The following UVRAG variants were observed in gnomAD, a reference collection of about 807,000 sequenced individuals.
UVRAG encodes the protein UV radiation resistance associated, also known as UV radiation resistance-associated gene protein.
A neutral mutation model predicts 78.0 loss-of-function variants in UVRAG; 19 were observed. The ratio of observed to expected loss-of-function variants is 0.24; its 90% CI spans 0.17 to 0.36. The LOEUF (loss-of-function observed/expected upper bound fraction) is 0.36. Ranked by LOEUF, UVRAG falls within the 10% of genes least tolerant of loss-of-function variation. The pLI, the probability that UVRAG is intolerant of heterozygous loss-of-function variation, is 1.00. For synonymous variants in UVRAG, 323 were observed against 324.6 expected, an observed-to-expected ratio of 1.00 and a Z score of 0.05; for missense variants, 740 against 853.8, an observed-to-expected ratio of 0.87 and a Z score of 1.66.
chr11:75,966,761 A>G (rs1355165657), intron 7 of UVRAG, among the ~76,000 whole-genome samples: 3 of 152,166 alleles, frequency 2.0e-5, no homozygotes, highest in Non-Finnish European at 2.9e-5. Context: ...TTATTTTAGC[A>G]GGTAGTTAAC....
chr11:75,861,200 A>G (rs1946414439), intron 2 of UVRAG, among the ~76,000 whole-genome samples: 1 of 152,218 alleles, frequency 6.6e-6, no homozygotes, highest in Non-Finnish European at 1.5e-5. Context: ...GTCTTAGAGC[A>G]ATAATGAGCC....
intron 6 of UVRAG, among the ~76,000 whole-genome samples, chr11:75,940,785 G>A (rs1015500007): frequency 6.6e-6 from 1 of 152,116 alleles, no homozygotes; most frequent in African/African-American, 2.4e-5. Flanking sequence ...TGCAGATGAA[G>A]CACGGGACTT....
intron 6 of UVRAG, among the ~76,000 whole-genome samples, chr11:75,942,722 A>C (rs1255002234): frequency 1.3e-5 from 2 of 152,116 alleles, no homozygotes; most frequent in Admixed American, 6.6e-5. Context: ...ACAGGAGGGG[A>C]TACAAAGGAA....
chr11:75,831,325 A>G (rs1945649339), intron 1 of UVRAG, among the ~76,000 whole-genome samples: 1 of 152,078 alleles, frequency 6.6e-6, no homozygotes, highest in African/African-American at 2.4e-5. Flanking sequence ...AGTCTCTACT[A>G]AAAATACAAA....
intron 9 of UVRAG, among the ~76,000 whole-genome samples, chr11:76,006,715 A>T (rs912558156): frequency 2.2e-4 from 32 of 147,026 alleles, no homozygotes; most frequent in Non-Finnish European, 3.2e-4. Context: ...TTCATACTAT[A>T]GCTTTTTATT....
chr11:75,854,960 T>G (rs985023989), intron 2 of UVRAG, among the ~76,000 whole-genome samples: 3 of 152,202 alleles, frequency 2.0e-5, no homozygotes, highest in African/African-American at 7.2e-5. Context: ...ACAAAACTTC[T>G]GTGTTCTTGC....
At chr11:75,885,685 T>C (rs1947059406) in intron 4 of UVRAG, among the ~76,000 whole-genome samples, 1 of 152,182 alleles carries the variant, frequency 6.6e-6, no homozygotes, top group Non-Finnish European at 1.5e-5. Flanking sequence ...AATACAATTA[T>C]TGTTAGGCCA....
intron 6 of UVRAG, among the ~76,000 whole-genome samples, chr11:75,939,205 T>C (rs1295671376): frequency 6.6e-6 from 1 of 152,164 alleles, no homozygotes; most frequent in African/African-American, 2.4e-5. Context: ...CTAAAGATCA[T>C]TTTAGTATCT....
chr11:76,091,170 T>G (rs1951689328), intron 13 of UVRAG, among the ~76,000 whole-genome samples: 1 of 152,220 alleles, frequency 6.6e-6, no homozygotes, highest in Non-Finnish European at 1.5e-5. Context: ...TTCCTTAAGA[T>G]TTTGAAATCA....
At chr11:76,000,090 C>G (rs1368114767) in intron 8 of UVRAG, among the ~76,000 whole-genome samples, 1 of 151,844 alleles carries the variant, frequency 6.6e-6, no homozygotes, top group Non-Finnish European at 1.5e-5. Context: ...ATACTCAATC[C>G]AATAGCATTT....
At chr11:75,951,065 C>A (rs1260730026) in intron 6 of UVRAG, among the ~76,000 whole-genome samples, 4 of 151,270 alleles carry the variant, frequency 2.6e-5, no homozygotes, top group African/African-American at 2.4e-5. Context: ...CAATAATGCC[C>A]TTAGGACTAA....
At position 76,141,070 on chromosome 11, in the gene UVRAG, G is replaced by A; in HGVS notation, c.1757G>A (p.Gly586Glu). Reference protein sequence around the residue: ...HANVHPSQEQGEALSGHRATV... With the variant: ...HANVHPSQEQEEALSGHRATV... ...AATGTGCACCCTAGCCAAGAACAAG[G>A]AGAAGCCCTCTCCGGGCACCGGGCC... The change falls in exon 15 of 15, where the codon GGA becomes GAA. Residue 586 changes from glycine (G) to glutamate (E), a missense_variant. Physicochemically the swap from Gly to Glu is moderately conservative, Grantham distance 98. Transcript: ENST00000356136. 6.2e-7 allele frequency: 1 copy of A among 1,613,642 alleles called. No individual in the cohort carries two copies. The highest frequency in any genetic ancestry group is 8.5e-7 in the Non-Finnish European group (1 of 1,180,040).
intron 7 of UVRAG, among the ~76,000 whole-genome samples, chr11:75,970,041 C>G (rs1345458023): frequency 6.6e-6 from 1 of 152,140 alleles, no homozygotes; most frequent in African/African-American, 2.4e-5. Flanking sequence ...TTGCTGTTTG[C>G]TTAAGATTTA....
chr11:75,950,733 C>T (rs1185302356), intron 6 of UVRAG, among the ~76,000 whole-genome samples: 1 of 152,064 alleles, frequency 6.6e-6, no homozygotes, highest in African/African-American at 2.4e-5. Context: ...TTTGTAAGTT[C>T]TAGCCATTAT....
chr11:76,056,567 A>AT (rs1262312765), intron 12 of UVRAG, among the ~76,000 whole-genome samples: 1 of 152,016 alleles, frequency 6.6e-6, no homozygotes, highest in African/African-American at 2.4e-5. Context: ...TCCTTGTTGT[A>AT]TAAGTTAAAC....
chr11:75,822,836 C>T (rs1047520409), intron 1 of UVRAG, among the ~76,000 whole-genome samples: 1 of 152,054 alleles, frequency 6.6e-6, no homozygotes, highest in Non-Finnish European at 1.5e-5. Flanking sequence ...ACCTGTAGTT[C>T]TGTGATTTGT....
intron 5 of UVRAG, among the ~76,000 whole-genome samples, chr11:75,903,829 T>C (rs1013909582): frequency 6.6e-6 from 1 of 152,214 alleles, no homozygotes; most frequent in Non-Finnish European, 1.5e-5. Context: ...GGAATAAGTA[T>C]ATGTATAATG....
In UVRAG at chr11:76,028,589, T is replaced by C. The variant is rs999384839; in HGVS notation, c.1226+11609T>C. Among the ~76,000 whole-genome samples the C allele has an allele frequency of 3.3e-5, 5 of 152,138 alleles. No individual in the cohort carries two copies. The East Asian group carries it at 7.7e-4, about 23-fold the overall frequency. On this transcript the variant is annotated intron_variant, in intron 12 of 14. Coordinates refer to ENST00000356136, the MANE Select transcript of UVRAG (RefSeq NM_003369.4). The stretch of plus-strand genomic sequence containing the variant: ...AATGATAAGAAAGTGAAAAGACTTA[T>C]TGCTGATATGGATAGAGTTTTAGTG...
At chr11:76,068,710 C>G (rs1351749313) in intron 13 of UVRAG, among the ~76,000 whole-genome samples, 1 of 152,228 alleles carries the variant, frequency 6.6e-6, no homozygotes, top group East Asian at 1.9e-4. Context: ...TTTGACCTTA[C>G]TGCCATCACT....
Sources: gnomAD v4.1 joint callset for allele counts (sites outside exome capture counted in the v4.1 genomes callset) on GRCh38, gnomAD v4.1.1 for gene constraint, MANE v1.5 for transcripts, NCBI Gene and HGNC (gene_info 2026-07-23, HGNC 2026-07-21) for gene names.